RIMKLA: variants seen among roughly 807,000 people sequenced by gnomAD.
RIMKLA encodes the protein ribosomal modification protein rimK like family member A.
In RIMKLA, 14 loss-of-function variants were observed where a neutral mutation model predicts 32.7. That is an observed-to-expected ratio of 0.43 (90% CI 0.28 to 0.67). The LOEUF is 0.67. Among genes scored for constraint, RIMKLA ranks in the 30% least tolerant of loss-of-function variants. RIMKLA has a pLI of 0.18. For synonymous variants in RIMKLA, 176 were observed against 204.1 expected (o/e 0.86, Z 1.18); for missense variants, 410 against 519.0 (o/e 0.79, Z 2.04).
intron 1 of RIMKLA, among the ~76,000 whole-genome samples, chr1:42,386,972 C>A (rs1570315067): frequency 6.8e-6 from 1 of 146,228 alleles, no homozygotes; most frequent in African/African-American, 2.5e-5. Context: ...GAAGCTGAGG[C>A]AGGAGAATCA....
intron 1 of RIMKLA, among the ~76,000 whole-genome samples, 190 bp downstream of exon 1, chr1:42,381,287 A>G (rs934501101): frequency 1.3e-5 from 2 of 152,208 alleles, no homozygotes; most frequent in African/African-American, 4.8e-5. Context: ...AACCACCACC[A>G]CCTGCCCCGA....
chr1:42,390,096 G>T (rs1379081300), intron 1 of RIMKLA, among the ~76,000 whole-genome samples: 8 of 146,240 alleles, frequency 5.5e-5, no homozygotes, highest in Non-Finnish European at 1.2e-4. Context: ...GGAATGCAGT[G>T]GTGCGATCTC....
chr1:42,412,113 G>A (rs1643203671), intron 4 of RIMKLA, among the ~76,000 whole-genome samples: 1 of 152,110 alleles, frequency 6.6e-6, no homozygotes, highest in Non-Finnish European at 1.5e-5. Flanking sequence ...TTGGTGAGCT[G>A]TTTTAAAACC....
At position 42,404,557 on chromosome 1, in the gene RIMKLA, G is replaced by C; in HGVS notation, c.441G>C (p.Leu147=). 1 of 1,613,640 alleles carries C rather than the reference G, an allele frequency of 6.2e-7. No individual in the cohort carries two copies. Among genetic ancestry groups the C allele is most frequent in the South Asian group, 1.1e-5 (1 of 91,072 alleles). The stretch of plus-strand genomic sequence containing the variant: ...AAATGATTGATGAAGCTGAGCCCCT[G>C]GGCTACCCAGTCGTGGTGAAGAGCA... The part of the protein sequence containing the change: ...FSKMIDEAEP[L]GYPVVVKSTR... Residue 147 remains leucine, a synonymous_variant, in exon 3 of 5, where the codon CTG becomes CTC. Coordinates refer to ENST00000431473, the MANE Select transcript of RIMKLA (RefSeq NM_173642.4).
At position 42,419,277 on chromosome 1, in the gene RIMKLA, GT is replaced by G. The variant is rs1479523342; in HGVS notation, c.*4304del. ...ATTTCCTTCTCTAGGTACAGCTCCT[GT>G]GCCAATATGCACTGTCTCAAGCCCT... On this transcript the variant is annotated 3_prime_UTR_variant, in exon 5 of 5. Coordinates refer to ENST00000431473, the MANE Select transcript of RIMKLA (RefSeq NM_173642.4). 3 of 152,108 alleles carry G rather than the reference GT, an allele frequency of 2.0e-5. No homozygotes were observed. Among genetic ancestry groups the G allele is most frequent in the Non-Finnish European group, 4.4e-5 (3 of 68,060 alleles). 9.4% of individuals were successfully genotyped at this position (152,108 alleles called of 1,614,324 possible).
Position 42,415,019 on chromosome 1 carries a change from CT to C in RIMKLA, c.*46del. On this transcript the variant is annotated 3_prime_UTR_variant, in exon 5 of 5. Coordinates refer to ENST00000431473, the MANE Select transcript of RIMKLA (RefSeq NM_173642.4). ...ATTTAAACCAAATCCTACTGCTTCC[CT>C]AGTAGTTTTGAGTGAATAAAATCTG... 7.8e-6 allele frequency: 12 copies of C among 1,536,020 alleles called. No homozygotes were observed. The highest frequency in any genetic ancestry group is 1.0e-5 in the Non-Finnish European group (12 of 1,143,216).
chr1:42,404,458 C>A, intron 2 of RIMKLA, 53 bp from the exon 3 acceptor site: 1 of 1,250,590 alleles, frequency 8.0e-7, no homozygotes, highest in East Asian at 2.3e-5. Flanking sequence ...GCTGGGGTGA[C>A]CGCTACCTGA....
chr1:42,414,600 T>G lies in RIMKLA; in HGVS notation c.802T>G (p.Ser268Ala), dbSNP rs1173594673. The G allele has an allele frequency of 1.9e-6, 3 of 1,614,232 alleles. No homozygotes were observed. Among genetic ancestry groups the G allele is most frequent in the Non-Finnish European group, 2.5e-6 (3 of 1,180,044 alleles). Residue 268 changes from serine to alanine, a missense_variant, in exon 5 of 5, where the codon TCC becomes GCC. By Grantham distance (99) the Ser-to-Ala change is moderately conservative. Transcript: ENST00000431473. The stretch of plus-strand genomic sequence containing the variant: ...TGATCTCCTTATCATGGACGATGGC[T>G]CCTTTGTGGTGTGTGAGGCAAATGC... ...GIDLLIMDDGSFVVCEANANV... is the reference protein window; with the variant it reads ...GIDLLIMDDGAFVVCEANANV...
At chr1:42,404,195 G>C (rs1273609933) in intron 2 of RIMKLA, among the ~76,000 whole-genome samples, 1 of 152,212 alleles carries the variant, frequency 6.6e-6, no homozygotes, top group Admixed American at 6.5e-5. Flanking sequence ...GCTTACACCA[G>C]GGGGCAGATA....
chr1:42,400,678 A>G (rs1384361963), intron 2 of RIMKLA, among the ~76,000 whole-genome samples: 4 of 152,164 alleles, frequency 2.6e-5, no homozygotes, highest in Admixed American at 2.0e-4. Context: ...GGGGTGAAGG[A>G]TTATAGGGGA....
chr1:42,388,521 T>TG (rs904307859), intron 1 of RIMKLA, among the ~76,000 whole-genome samples: 1 of 147,178 alleles, frequency 6.8e-6, no homozygotes, highest in African/African-American at 2.5e-5. Context: ...AAGCTTGTTT[T>TG]TTTTTTTTTT....
At chr1:42,398,576 C>A (rs1570321815) in intron 1 of RIMKLA, among the ~76,000 whole-genome samples, 3 of 152,234 alleles carry the variant, frequency 2.0e-5, no homozygotes, top group Admixed American at 2.0e-4. Context: ...CAATTTGTAT[C>A]TGTTTATATA....
chr1:42,397,342 T>C (rs986850503), intron 1 of RIMKLA, among the ~76,000 whole-genome samples: 2 of 152,228 alleles, frequency 1.3e-5, no homozygotes, highest in Non-Finnish European at 2.9e-5. Context: ...CCCCCTAGAA[T>C]TATGTGGTTA....
rs1557749905 is a variant in RIMKLA, at chr1:42,385,842, T to TCTCTCTC, written c.163+4745_163+4746insCTCTCTC. Among the ~76,000 whole-genome samples the TCTCTCTC allele has an allele frequency of 9.1e-4, 58 of 63,604 alleles. 9 individuals are homozygous for TCTCTCTC. The highest frequency in any genetic ancestry group is 2.6e-3 in the African/African-American group (43 of 16,458). 41.7% of individuals were successfully genotyped at this position (63,604 alleles called of 152,430 possible). A position where few individuals can be genotyped will look rare whatever the true frequency, so the allele number is the denominator to read the frequency against. On this transcript the variant is annotated intron_variant, in intron 1 of 4. Coordinates refer to ENST00000431473, the MANE Select transcript of RIMKLA (RefSeq NM_173642.4). ...TTCCTTCCTTCCTTTCTTTCTTTCT[T>TCTCTCTC]TCTCTTTCTTTCTTTCTTTCTTTCT... is the stretch of plus-strand genomic sequence containing the variant.
chr1:42,398,788 G>A (rs909066931), intron 1 of RIMKLA, among the ~76,000 whole-genome samples: 16 of 152,016 alleles, frequency 1.1e-4, no homozygotes, highest in Non-Finnish European at 2.2e-4. Flanking sequence ...GCAACATGGC[G>A]AAACCCCATC....
intron 1 of RIMKLA, among the ~76,000 whole-genome samples, chr1:42,386,342 C>T (rs189592115): frequency 1.3e-3 from 203 of 152,024 alleles, no homozygotes; most frequent in Admixed American, 7.0e-3. Flanking sequence ...GTCATCTCCA[C>T]CCATCCACAC....
At chr1:42,383,231 C>T (rs1049173212) in intron 1 of RIMKLA, among the ~76,000 whole-genome samples, 3 of 151,988 alleles carry the variant, frequency 2.0e-5, no homozygotes, top group Non-Finnish European at 4.4e-5. Flanking sequence ...TTTGCCTGGT[C>T]GATGGAGAAA....
intron 2 of RIMKLA, among the ~76,000 whole-genome samples, chr1:42,401,329 A>G (rs1336878143): frequency 6.6e-6 from 1 of 152,090 alleles, no homozygotes; most frequent in African/African-American, 2.4e-5. Context: ...TGCTTTAGGG[A>G]ATGGGTACAG....
chr1:42,416,013 C>T lies in RIMKLA; in HGVS notation c.*1039C>T, dbSNP rs1356756089. Reference sequence around the variant, plus strand: ...TTGAAACTCTACTTTTATCTAAGATCCAGACACCTGTCCTTACCCACTTTT... The same window carrying T: ...TTGAAACTCTACTTTTATCTAAGATTCAGACACCTGTCCTTACCCACTTTT... On this transcript the variant is annotated 3_prime_UTR_variant, in exon 5 of 5. Transcript: ENST00000431473. 2 of 150,688 alleles carry T rather than the reference C, an allele frequency of 1.3e-5. No homozygotes were observed. The highest frequency in any genetic ancestry group is 2.9e-5 in the Non-Finnish European group (2 of 67,846). The allele number at this position is 150,688 out of a possible 1,614,324, so 9.3% of individuals were successfully genotyped here.
Sources: allele counts gnomAD v4.1 joint callset (sites outside exome capture counted in the v4.1 genomes callset), GRCh38; gene constraint gnomAD v4.1.1; transcripts MANE v1.5; gene names NCBI Gene and HGNC (gene_info 2026-07-23, HGNC 2026-07-21).